Variants in CTNNA3 observed in about 807,000 individuals in gnomAD.
The protein encoded by CTNNA3 is catenin alpha 3.
Under a neutral mutation model 95.7 loss-of-function variants are expected in CTNNA3, and 76 were observed. The ratio of observed to expected loss-of-function variants is 0.79; its 90% CI spans 0.66 to 0.96. The LOEUF (loss-of-function observed/expected upper bound fraction) is 0.96, where lower values mean the gene tolerates loss of function less well. Among genes scored for constraint, CTNNA3 ranks in the 40% least tolerant of loss-of-function variants. The pLI is 0.00. For missense variants in CTNNA3, 1,191 were observed against 1,089.8 expected, an observed-to-expected ratio of 1.09 and a Z score of -1.31; for synonymous variants, 431 against 374.4, an observed-to-expected ratio of 1.15 and a Z score of -1.74.
At chr10:66,685,487 C>T (rs1329805942) in intron 9 of CTNNA3, among the ~76,000 whole-genome samples, 1 of 146,098 alleles carries the variant, frequency 6.8e-6, no homozygotes, top group African/African-American at 2.5e-5. Context: ...ATTCTCCTGC[C>T]TCAGCCTCCC....
chr10:67,137,607 A>T (rs978877746), intron 7 of CTNNA3, among the ~76,000 whole-genome samples: 2 of 152,202 alleles, frequency 1.3e-5, no homozygotes, highest in African/African-American at 4.8e-5. Context: ...TCTCATTCTC[A>T]CAACCAATTT....
chr10:66,893,485 A>G (rs538333684), intron 7 of CTNNA3, among the ~76,000 whole-genome samples: 118 of 152,074 alleles, frequency 7.8e-4, no homozygotes, highest in African/African-American at 2.7e-3. Context: ...AGCATAGATT[A>G]AGGTACAAAC....
chr10:67,643,718 G>A (rs1839613867), intron 2 of CTNNA3, among the ~76,000 whole-genome samples: 1 of 151,762 alleles, frequency 6.6e-6, no homozygotes, highest in Non-Finnish European at 1.5e-5. Context: ...AGTATGTGAT[G>A]TTCCCCTCCC....
intron 13 of CTNNA3, among the ~76,000 whole-genome samples, chr10:66,159,373 G>A (rs889215155): frequency 2.6e-5 from 4 of 152,018 alleles, no homozygotes; most frequent in Non-Finnish European, 5.9e-5. Context: ...ATAAAGCGAT[G>A]CTAGATTTTG....
chr10:67,613,395 C>T (rs914658939), intron 2 of CTNNA3, among the ~76,000 whole-genome samples: 1 of 151,954 alleles, frequency 6.6e-6, no homozygotes, highest in Non-Finnish European at 1.5e-5. Flanking sequence ...AGAATAAAAC[C>T]CTACATTTTA....
intron 17 of CTNNA3, among the ~76,000 whole-genome samples, chr10:65,953,210 C>T (rs899263698): frequency 3.3e-5 from 5 of 152,126 alleles, no homozygotes; most frequent in Non-Finnish European, 5.9e-5. Flanking sequence ...GAAGAATCTG[C>T]TCCCTGATGA....
rs574694238 is a variant in CTNNA3, at chr10:66,859,296, A to G, written c.1048-83772T>C. ...CAAAAGGCTAATATCGAGAATCTAC[A>G]ATGAACTCAAACAAATTTACAAGAA... On this transcript the variant is annotated intron_variant, in intron 7 of 17. Coordinates refer to ENST00000433211, the MANE Select transcript of CTNNA3 (RefSeq NM_013266.4). Among the ~76,000 whole-genome samples, 636 of 152,150 alleles carry G rather than the reference A, an allele frequency of 4.2e-3. 5 individuals carry two copies. Among genetic ancestry groups the G allele is most frequent in the African/African-American group, 0.015 (606 of 41,524 alleles).
intron 9 of CTNNA3, among the ~76,000 whole-genome samples, chr10:66,669,190 G>A (rs946833101): frequency 2.0e-5 from 3 of 152,052 alleles, no homozygotes; most frequent in Non-Finnish European, 2.9e-5. Flanking sequence ...AGGCCTTTTT[G>A]TATAGCTAAA....
Position 66,928,189 on chromosome 10 carries a change from G to A in CTNNA3, c.1048-152665C>T, listed in dbSNP as rs917501043. On this transcript the variant is annotated intron_variant, in intron 7 of 17. Transcript: ENST00000433211. ...TTTCCATAAAATCATCGCGGGCAGC[G>A]TGGCGCTTTTCCTGTCCGTGCTCGT... The A allele has an allele frequency of 1.2e-6, 2 of 1,613,954 alleles. No individual in the cohort carries two copies. The highest frequency in any genetic ancestry group is 1.7e-6 in the Non-Finnish European group (2 of 1,180,040).
intron 7 of CTNNA3, among the ~76,000 whole-genome samples, chr10:66,867,360 G>A (rs1844220026): frequency 6.6e-6 from 1 of 152,172 alleles, no homozygotes; most frequent in African/African-American, 2.4e-5. Context: ...ATAATTCACA[G>A]AAAGTTATTA....
intron 7 of CTNNA3, among the ~76,000 whole-genome samples, chr10:66,912,906 A>T (rs1179304833): frequency 6.6e-6 from 1 of 152,148 alleles, no homozygotes; most frequent in Non-Finnish European, 1.5e-5. Context: ...AGTAAATACA[A>T]TATATCCAAG....
intron 5 of CTNNA3, among the ~76,000 whole-genome samples, chr10:67,338,744 C>A (rs1348163420): frequency 3.9e-5 from 6 of 152,146 alleles, no homozygotes; most frequent in Non-Finnish European, 7.4e-5. Flanking sequence ...TAGCTAACAA[C>A]ATCATCTCAC....
At chr10:67,333,974 T>C (rs773040671) in intron 5 of CTNNA3, 2 of 152,200 alleles carry the variant, frequency 1.3e-5, no homozygotes, top group Admixed American at 6.6e-5. Context: ...TAGCTGTACA[T>C]ATGCAATATA....
intron 1 of CTNNA3, chr10:67,750,810 G>T (rs1455100352): frequency 6.2e-7 from 1 of 1,610,136 alleles, no homozygotes; most frequent in East Asian, 2.2e-5. Flanking sequence ...AACCTGGACT[G>T]AAATATAAAC....
chr10:67,145,551 C>T (rs895950188), intron 7 of CTNNA3, among the ~76,000 whole-genome samples: 3 of 151,738 alleles, frequency 2.0e-5, no homozygotes, highest in African/African-American at 7.3e-5. Context: ...CTGCCTCAGC[C>T]TCCTGAGTAA....
chr10:66,409,915 A>C (rs995963931), intron 11 of CTNNA3, among the ~76,000 whole-genome samples: 8 of 152,222 alleles, frequency 5.3e-5, no homozygotes, highest in Admixed American at 5.2e-4. Context: ...TGCTCTGGGA[A>C]ATCTCCATAC....
chr10:67,092,050 T>G (rs748810702), intron 7 of CTNNA3, among the ~76,000 whole-genome samples: 3 of 150,712 alleles, frequency 2.0e-5, no homozygotes, highest in Admixed American at 1.3e-4. Flanking sequence ...CGCCTCTGAA[T>G]TTCAAGATAA....
chr10:66,569,648 G>C (rs1019963036), intron 10 of CTNNA3, among the ~76,000 whole-genome samples: 3 of 151,974 alleles, frequency 2.0e-5, no homozygotes, highest in African/African-American at 7.3e-5. Context: ...CATCCTGTTG[G>C]GTCCCAGAGA....
chr10:66,691,825 C>T (rs931315972), intron 9 of CTNNA3, among the ~76,000 whole-genome samples: 1 of 152,150 alleles, frequency 6.6e-6, no homozygotes, highest in Admixed American at 6.5e-5. Flanking sequence ...GTTCTGCAGC[C>T]ACCGCTGCTG....
Sources: gnomAD v4.1 joint callset for allele counts (sites outside exome capture counted in the v4.1 genomes callset) on GRCh38, gnomAD v4.1.1 for gene constraint, MANE v1.5 for transcripts, NCBI Gene and HGNC (gene_info 2026-07-23, HGNC 2026-07-21) for gene names.